ZNF133: variants seen among roughly 807,000 people sequenced by gnomAD.
ZNF133 encodes zinc finger protein 133 (clone pHZ-13).
In ZNF133, 26 loss-of-function variants were observed where a neutral mutation model predicts 54.9. That is an observed-to-expected ratio of 0.47 (90% CI 0.35 to 0.66). The LOEUF is 0.66. Among genes scored for constraint, ZNF133 ranks in the 30% least tolerant of loss-of-function variants. The pLI is 0.01. For synonymous variants in ZNF133, 298 were observed against 320.3 expected, an observed-to-expected ratio of 0.93 and a Z score of 0.74; for missense variants, 653 against 820.8, an observed-to-expected ratio of 0.80 and a Z score of 2.50.
intron 6 of ZNF133, 183 bp downstream of exon 6, chr20:18,306,576 T>G: frequency 1.2e-6 from 1 of 864,236 alleles, no homozygotes; most frequent in Admixed American, 2.9e-5. Context: ...TGGACGGGGC[T>G]TTCCTGGTGT....
intron 1 of ZNF133, among the ~76,000 whole-genome samples, chr20:18,292,471 G>C (rs2041274997): frequency 6.6e-6 from 1 of 152,148 alleles, no homozygotes; most frequent in South Asian, 2.1e-4. Flanking sequence ...TGCACTGACT[G>C]TTCTCTTGCC....
At chr20:18,313,161 A>G (rs1465710669) in intron 6 of ZNF133, 2 of 152,222 alleles carry the variant, frequency 1.3e-5, no homozygotes, top group Admixed American at 1.3e-4. Context: ...TTTGTGTTAA[A>G]ATTTCTTCTA....
chr20:18,306,545 A>G lies in ZNF133; in HGVS notation c.217+152A>G, dbSNP rs1232161217. ...TTGCCTGACACGGCCTCCCTTCCAG[A>G]TCTCCATCTTCATTCGAGTATGGAC... is the stretch of plus-strand genomic sequence containing the variant. On this transcript the variant is annotated intron_variant, in intron 6 of 6. Coordinates refer to ENST00000425686, the MANE Select transcript of ZNF133 (RefSeq NM_001352452.2). 3.8e-5 allele frequency: 35 copies of G among 924,060 alleles called. No homozygotes were observed. In the Middle Eastern group the frequency reaches 1.5e-3, roughly 39 times the overall value. The allele number at this position is 924,060 out of a possible 1,614,324, so 57.2% of individuals were successfully genotyped here.
In ZNF133 at chr20:18,316,352, C is replaced by T. The variant is rs1269069045; in HGVS notation, c.1501C>T (p.Arg501Ter). 5.6e-6 allele frequency: 9 copies of T among 1,613,646 alleles called. No homozygotes were observed. The Admixed American group carries it at 6.7e-5, about 12-fold the overall frequency. ...GCCCATGGTGTGTGGGGAGTGCGGG[C>T]GAGGCTTCAGCCAGAAGTCAAACCT... ...EKPMVCGECG[R>*]GFSQKSNLVA... Residue 501 changes from arginine (R) to a stop codon, truncating the protein, a stop_gained, in exon 7 of 7, where the codon CGA becomes TGA. Coordinates refer to ENST00000425686, the MANE Select transcript of ZNF133 (RefSeq NM_001352452.2). LOFTEE classifies it high-confidence loss of function.
chr20:18,314,407 G>A (rs1326275005), intron 6 of ZNF133: 1 of 152,198 alleles, frequency 6.6e-6, no homozygotes, highest in African/African-American at 2.4e-5. Flanking sequence ...AAATAGGTTG[G>A]GGGTACCAGG....
chr20:18,306,806 T>TA (rs3079052), intron 6 of ZNF133: 128 of 1,221,772 alleles, frequency 1.0e-4, no homozygotes, highest in Non-Finnish European at 1.2e-4. Context: ...AATGGAATTC[T>TA]AAAAAAAACT....
chr20:18,298,217 A>G, intron 2 of ZNF133, 72 bp from the exon 3 acceptor site: 3 of 1,489,972 alleles, frequency 2.0e-6, no homozygotes, highest in South Asian at 1.3e-5. Context: ...CCCATGACAC[A>G]GTTATTCACC....
In ZNF133 at chr20:18,298,294, A is replaced by T; in HGVS notation, c.-348A>T. The T allele has an allele frequency of 7.4e-7, 1 of 1,358,388 alleles. No individual in the cohort carries two copies. The highest frequency in any genetic ancestry group is 9.5e-7 in the Non-Finnish European group (1 of 1,057,612). The allele number at this position is 1,358,388 out of a possible 1,614,324, so 84.1% of individuals were successfully genotyped here. A position where few individuals can be genotyped will look rare whatever the true frequency, so the allele number is the denominator to read the frequency against. ...GTCTGCATTTCTTTGTTCAGCTTCA[A>T]AAGTTCTGCTGCCTGAGAGTAACGT... On this transcript the variant is annotated 5_prime_UTR_variant, in exon 3 of 7. Coordinates refer to ENST00000425686, the MANE Select transcript of ZNF133 (RefSeq NM_001352452.2).
Position 18,298,357 on chromosome 20 carries a change from C to A in ZNF133, c.-285C>A. 2 of 1,262,752 alleles carry A rather than the reference C, an allele frequency of 1.6e-6. No individual in the cohort carries two copies. The highest frequency in any genetic ancestry group is 2.1e-5 in the South Asian group (1 of 47,204). 78.2% of individuals were successfully genotyped at this position (1,262,752 alleles called of 1,614,324 possible). On this transcript the variant is annotated 5_prime_UTR_variant, in exon 3 of 7. Transcript: ENST00000425686. ...ACGGGAAGATTCTGGAATCTGTGTC[C>A]CCACCTAGACAACGATTATACTGGC... is the stretch of plus-strand genomic sequence containing the variant.
Position 18,315,163 on chromosome 20 carries a change from C to T in ZNF133, c.312C>T (p.Pro104=). Residue 104 remains proline (P), a synonymous_variant, in exon 7 of 7, where the codon CCC becomes CCT. Transcript: ENST00000425686. The part of the protein sequence containing the change: ...FPMQHVLCNH[P]PWIFTCLCAE... ...TGCAGCATGTGCTGTGTAATCATCC[C>T]CCCTGGATCTTCACATGCTTGTGTG... 3 of 1,612,076 alleles carry T rather than the reference C, an allele frequency of 1.9e-6. No homozygotes were observed. Among genetic ancestry groups the T allele is most frequent in the Non-Finnish European group, 2.5e-6 (3 of 1,178,734 alleles).
chr20:18,290,987 C>CTAAT (rs2040846466), intron 1 of ZNF133, among the ~76,000 whole-genome samples: 1 of 152,138 alleles, frequency 6.6e-6, no homozygotes, highest in African/African-American at 2.4e-5. Context: ...ATTAGCCAGG[C>CTAAT]GTGGTGGCAC....
At chr20:18,313,839 G>A (rs1196638426) in intron 6 of ZNF133, 1 of 152,360 alleles carries the variant, frequency 6.6e-6, no homozygotes, top group Non-Finnish European at 1.5e-5. Context: ...TGAATACAAG[G>A]GCTGGAAGAG....
At chr20:18,300,432 C>T (rs1295293453) in intron 3 of ZNF133, among the ~76,000 whole-genome samples, 1 of 152,036 alleles carries the variant, frequency 6.6e-6, no homozygotes, top group Non-Finnish European at 1.5e-5. Context: ...TAAAAATCTG[C>T]AAGACATGTA....
rs2424152 is a variant in ZNF133 at position 18,305,465 on chromosome 20, A to G, written c.-6-216A>G. Among the ~76,000 whole-genome samples the G allele has an allele frequency of 0.13, 20,286 of 152,118 alleles. 1,482 individuals carry two copies. Among genetic ancestry groups the G allele is most frequent in the Middle Eastern group, 0.16 (47 of 294 alleles). ...TAGGGACTCCATTTTGTGCACATAT[A>G]CCCTGTGTGGCCCCCCAGGATCTTG... On this transcript the variant is annotated intron_variant, in intron 4 of 6. Coordinates refer to ENST00000425686, the MANE Select transcript of ZNF133 (RefSeq NM_001352452.2). The surrounding 1 kb of genome is among the most constrained non-coding windows in gnomAD (Gnocchi z 4.7).
At position 18,316,468 on chromosome 20, in the gene ZNF133, G is replaced by A. The variant is rs1040297182; in HGVS notation, c.1617G>A (p.Arg539=). 6.2e-7 allele frequency: 1 copy of A among 1,614,006 alleles called. No homozygotes were observed. Among genetic ancestry groups the A allele is most frequent in the African/African-American group, 1.3e-5 (1 of 74,910 alleles). Residue 539 remains arginine, a synonymous_variant, in exon 7 of 7, where the codon AGG becomes AGA. Coordinates refer to ENST00000425686, the MANE Select transcript of ZNF133 (RefSeq NM_001352452.2). ...RGFSHQAGLI[R]HKRKHSREKP... ...TTAGCCACCAGGCCGGTCTCATCAG[G>A]CACAAGCGGAAGCACTCGAGGGAGA...
chr20:18,289,296 C>T (rs536330096), intron 1 of ZNF133, among the ~76,000 whole-genome samples: 123 of 152,228 alleles, frequency 8.1e-4, no homozygotes, highest in African/African-American at 2.8e-3. Flanking sequence ...CGTCATTGAT[C>T]GCAAGAATTA....
rs1050476 is a variant in ZNF133 at position 18,316,549 on chromosome 20, T to C, written c.1698T>C (p.Ile566=). ...GCTTTGGCAATAAGTCAGCTCTAAT[T>C]ACACACAAGCGGGCTCACTCGGAAG... is the stretch of plus-strand genomic sequence containing the variant. ...GLGFGNKSAL[I]THKRAHSEEK... is the part of the protein sequence containing the mutation. Residue 566 remains isoleucine (I), a synonymous_variant, in exon 7 of 7, where the codon ATT becomes ATC. Transcript: ENST00000425686. 123,420 of 1,614,060 alleles carry C rather than the reference T, an allele frequency of 0.076. 5,361 individuals are homozygous for C. Among genetic ancestry groups the C allele is most frequent in the Middle Eastern group, 0.13 (784 of 6,062 alleles).
Position 18,305,723 on chromosome 20 carries a change from G to C in ZNF133, c.37G>C (p.Asp13His). Residue 13 changes from aspartate (D) to histidine (H), a missense_variant, in exon 5 of 7, where the codon GAT becomes CAT. Around this residue, in one of 4 missense-constraint regions of ZNF133, gnomAD observed 227 missense variants for 233.9 expected, o/e 0.97. Coordinates refer to ENST00000425686, the MANE Select transcript of ZNF133 (RefSeq NM_001352452.2). The surrounding 1 kb of genome is among the most constrained non-coding windows in gnomAD (Gnocchi z 4.7). ...GGATGTGGCTGTGGATTTCACCCAG[G>C]ATGAGTGGAGGCTGCTGAGCCCTGC... ...FRDVAVDFTQ[D>H]EWRLLSPAQR... is the part of the protein sequence containing the mutation. 1.9e-6 allele frequency: 3 copies of C among 1,614,216 alleles called. No homozygotes were observed. The highest frequency in any genetic ancestry group is 2.5e-6 in the Non-Finnish European group (3 of 1,180,036).
In ZNF133 at chr20:18,316,376, C is replaced by G. The variant is rs770222977; in HGVS notation, c.1525C>G (p.Leu509Val). The change falls in exon 7 of 7, where the codon CTT becomes GTT. Residue 509 changes from leucine to valine, a missense_variant. This residue lies in a region of ZNF133 where 292 missense variants were observed against 431.6 expected (regional missense o/e 0.68). Coordinates refer to ENST00000425686, the MANE Select transcript of ZNF133 (RefSeq NM_001352452.2). ...CGRGFSQKSN[L>V]VAHQRTHSGE... ...GCGAGGCTTCAGCCAGAAGTCAAAC[C>G]TTGTTGCACACCAGAGGACGCACTC... 1.2e-6 allele frequency: 2 copies of G among 1,613,952 alleles called. No individual in the cohort carries two copies. Among genetic ancestry groups the G allele is most frequent in the Non-Finnish European group, 1.7e-6 (2 of 1,179,978 alleles).
Sources: allele counts gnomAD v4.1 joint callset (sites outside exome capture counted in the v4.1 genomes callset), GRCh38; gene constraint gnomAD v4.1.1; regional missense constraint gnomAD v4.1.1; non-coding constraint Gnocchi (gnomAD v3.1); transcripts MANE v1.5; gene names NCBI Gene and HGNC (gene_info 2026-07-23, HGNC 2026-07-21).